The following VWDE variants were observed in gnomAD, a reference collection of about 807,000 sequenced individuals.
VWDE encodes von Willebrand factor D and EGF domains.
A neutral mutation model predicts 178.4 loss-of-function variants in VWDE; 207 were observed. The observed-to-expected ratio is 1.16, with a 90% CI of 1.04 to 1.30. The LOEUF (loss-of-function observed/expected upper bound fraction) is 1.30. Among genes scored for constraint, VWDE ranks in the 50% most tolerant of loss-of-function variants. The pLI is 0.00. For missense variants in VWDE, 2,287 were observed against 1,901.3 expected (o/e 1.20, Z -3.77); for synonymous variants, 738 against 651.4 (o/e 1.13, Z -2.02).
intron 3 of VWDE, 75 bp from the exon 4 acceptor site, chr7:12,383,676 A>G: frequency 8.2e-7 from 1 of 1,221,636 alleles, no homozygotes; most frequent in Non-Finnish European, 1.2e-6. Flanking sequence ...CAAGATGACA[A>G]TTTATTGAAG....
intron 16 of VWDE, 114 bp from the exon 17 acceptor site, chr7:12,357,629 G>A: frequency 8.5e-7 from 1 of 1,180,792 alleles, no homozygotes; most frequent in Non-Finnish European, 1.2e-6. Context: ...CTGCTAAAAG[G>A]TCTATTAGCT....
chr7:12,343,036 C>T lies in VWDE; in HGVS notation c.4174+47G>A, dbSNP rs140530906. On this transcript the variant is annotated intron_variant, in intron 22 of 28. Transcript: ENST00000275358. The stretch of plus-strand genomic sequence containing the variant: ...CGTAGCATTAAGGCCATCAACTATT[C>T]AAAGAAGCAGTTTCATTATATCAGA... The T allele has an allele frequency of 7.4e-5, 104 of 1,407,706 alleles. No individual in the cohort carries two copies. In the African/African-American group the frequency reaches 1.4e-3, roughly 19 times the overall value. The allele number at this position is 1,407,706 out of a possible 1,614,324, so 87.2% of individuals were successfully genotyped here. A position where few individuals can be genotyped will look rare whatever the true frequency, so the allele number is the denominator to read the frequency against.
In VWDE at chr7:12,331,175, G is replaced by A. The variant is rs1302025505; in HGVS notation, c.*8C>T. On this transcript the variant is annotated 3_prime_UTR_variant, in exon 29 of 29. Transcript: ENST00000275358. ...ATACAGGCTTGTAATTCATATACTT[G>A]ATGCTACTCAATGGCGTCTTATCTG... 5 of 1,540,210 alleles carry A rather than the reference G, an allele frequency of 3.2e-6. No individual in the cohort carries two copies. The highest frequency in any genetic ancestry group is 3.5e-6 in the Non-Finnish European group (4 of 1,139,652).
rs1197823233 is a variant in VWDE at position 12,370,637 on chromosome 7, T to A, written c.1796+19A>T. ...AGTCTAATATTAATATAATCGCAAGTGGAAAAATAGTGTCTTACCTCCATT... is the reference window on the plus strand; with the variant it reads ...AGTCTAATATTAATATAATCGCAAGAGGAAAAATAGTGTCTTACCTCCATT... On this transcript the variant is annotated intron_variant, in intron 11 of 28. Coordinates refer to ENST00000275358, the MANE Select transcript of VWDE (RefSeq NM_001135924.3). 6.5e-7 allele frequency: 1 copy of A among 1,547,824 alleles called. No homozygotes were observed. Among genetic ancestry groups the A allele is most frequent in the East Asian group, 2.4e-5 (1 of 40,882 alleles).
intron 16 of VWDE, 33 bp downstream of exon 16, chr7:12,359,545 A>G: frequency 7.2e-7 from 1 of 1,397,642 alleles, no homozygotes; most frequent in Non-Finnish European, 9.9e-7. Context: ...TGTCTTGTAT[A>G]GGAAATATTT....
At chr7:12,337,558 A>G (rs1781113792) in intron 24 of VWDE, among the ~76,000 whole-genome samples, 1 of 152,220 alleles carries the variant, frequency 6.6e-6, no homozygotes, top group South Asian at 2.1e-4. Context: ...GTTTCACTAT[A>G]CAATAAAGCA....
chr7:12,336,258 AG>A (rs1157275555), intron 26 of VWDE, 22 bp from the exon 27 acceptor site: 31 of 1,545,716 alleles, frequency 2.0e-5, no homozygotes, highest in Non-Finnish European at 2.5e-5. Flanking sequence ...AATATAAACA[AG>A]TTAAAATTTT....
At chr7:12,379,237 C>G (rs10255135) in intron 6 of VWDE, among the ~76,000 whole-genome samples, 2 of 152,028 alleles carry the variant, frequency 1.3e-5, no homozygotes, top group Admixed American at 1.3e-4. Flanking sequence ...TTCTGCTTTA[C>G]TCTAATTTGA....
intron 26 of VWDE, among the ~76,000 whole-genome samples, chr7:12,336,534 T>C (rs1157741107): frequency 6.6e-6 from 1 of 152,276 alleles, no homozygotes; most frequent in African/African-American, 2.4e-5. Context: ...AACATTCTAG[T>C]AGCAGCTAAT....
chr7:12,348,995 A>G (rs1032129557), intron 19 of VWDE, among the ~76,000 whole-genome samples: 1 of 152,110 alleles, frequency 6.6e-6, no homozygotes, highest in African/African-American at 2.4e-5. Flanking sequence ...CAAACACCAC[A>G]TATTCTCACT....
intron 21 of VWDE, among the ~76,000 whole-genome samples, chr7:12,343,768 A>T (rs538385275): frequency 1.3e-5 from 2 of 152,204 alleles, no homozygotes; most frequent in African/African-American, 4.8e-5. Context: ...ATATGGCTAC[A>T]GATGTATTTT....
At chr7:12,364,808 G>C (rs1457252872) in intron 13 of VWDE, among the ~76,000 whole-genome samples, 1 of 152,082 alleles carries the variant, frequency 6.6e-6, no homozygotes, top group African/African-American at 2.4e-5. Flanking sequence ...TAATCTAAAA[G>C]TGTCTCCCTA....
At chr7:12,393,838 C>A in intron 1 of VWDE, 60 bp from the exon 2 acceptor site, 1 of 1,378,298 alleles carries the variant, frequency 7.3e-7, no homozygotes, top group South Asian at 1.7e-5. Flanking sequence ...ATAGTTCGGT[C>A]CTCAATTAAA....
intron 2 of VWDE, among the ~76,000 whole-genome samples, chr7:12,390,821 A>C (rs1465878373): frequency 2.6e-5 from 4 of 152,146 alleles, no homozygotes; most frequent in Admixed American, 6.5e-5. Flanking sequence ...ACTATGTTTT[A>C]AATGAACAAC....
At position 12,396,873 on chromosome 7, in the gene VWDE, T is replaced by C. The variant is rs192365029; in HGVS notation, c.59-3095A>G. On this transcript the variant is annotated intron_variant, in intron 1 of 28. Transcript: ENST00000275358. ...TCACTTGAACCCAGGAGATGGAAGT[T>C]GCAGTTGGCCAAGGTCATGCCATTA... is the stretch of plus-strand genomic sequence containing the variant. Among the ~76,000 whole-genome samples, 199 of 152,236 alleles carry C rather than the reference T, an allele frequency of 1.3e-3. 1 individual carries two copies. Among genetic ancestry groups the C allele is most frequent in the African/African-American group, 4.4e-3 (181 of 41,552 alleles).
intron 23 of VWDE, 88 bp from the exon 24 acceptor site, chr7:12,340,505 GA>G (rs1781271610): frequency 7.7e-6 from 7 of 906,886 alleles, no homozygotes; most frequent in Non-Finnish European, 1.2e-5. Flanking sequence ...GGTGCATAAT[GA>G]AATATTTTAT....
intron 26 of VWDE, among the ~76,000 whole-genome samples, 155 bp downstream of exon 26, chr7:12,336,833 G>A (rs569834545): frequency 1.3e-5 from 2 of 152,246 alleles, no homozygotes; most frequent in African/African-American, 4.8e-5. Context: ...AAAACTCTTT[G>A]TGTTTCAAAG....
At chr7:12,392,545 T>A (rs1037565062) in intron 2 of VWDE, among the ~76,000 whole-genome samples, 1 of 152,108 alleles carries the variant, frequency 6.6e-6, no homozygotes. Flanking sequence ...CATTTGAAAA[T>A]CATGCCAAGG....
Position 12,356,119 on chromosome 7 carries a change from T to G in VWDE, c.3737A>C (p.Glu1246Ala), listed in dbSNP as rs1272200191. 6.4e-7 allele frequency: 1 copy of G among 1,551,114 alleles called. No individual in the cohort carries two copies. Among genetic ancestry groups the G allele is most frequent in the Non-Finnish European group, 8.7e-7 (1 of 1,146,922 alleles). The change falls in exon 18 of 29, where the codon GAG (glutamate) becomes GCG (alanine). Residue 1246 changes from glutamate (E) to alanine (A), a missense_variant. Glu to Ala is a moderately radical substitution (Grantham distance 107). Coordinates refer to ENST00000275358, the MANE Select transcript of VWDE (RefSeq NM_001135924.3). ...GAGGAGCAAAATCTTACCTTTGAGCTCAGGTGGACAATCACAGGAATAACT... is the reference window on the plus strand; with the variant it reads ...GAGGAGCAAAATCTTACCTTTGAGCGCAGGTGGACAATCACAGGAATAACT... ...FHSYSCDCPP[E>A]LKVETQFVNQ... is the part of the protein sequence containing the mutation.
Sources: allele counts gnomAD v4.1 joint callset (sites outside exome capture counted in the v4.1 genomes callset), GRCh38; gene constraint gnomAD v4.1.1; transcripts MANE v1.5; gene names NCBI Gene and HGNC (gene_info 2026-07-23, HGNC 2026-07-21).